Variants in CACNA1H observed in about 807,000 individuals in gnomAD.
CACNA1H encodes the protein calcium voltage-gated channel subunit alpha1 H, also known as voltage-dependent T-type calcium channel subunit alpha-1H.
Under a neutral mutation model 192.5 loss-of-function variants are expected in CACNA1H, and 149 were observed. The ratio of observed to expected loss-of-function variants is 0.77; its 90% CI spans 0.68 to 0.89. The LOEUF (loss-of-function observed/expected upper bound fraction) is 0.89, where lower values mean the gene tolerates loss of function less well. Among genes scored for constraint, CACNA1H ranks in the 40% least tolerant of loss-of-function variants. The pLI is 0.00. For missense variants in CACNA1H, 4,257 were observed against 3,423.5 expected (o/e 1.24, Z -6.08); for synonymous variants, 2,202 against 1,475.2 (o/e 1.49, Z -11.29).
At chr16:1,208,279 C>T in intron 16 of CACNA1H, 58 bp downstream of exon 16, 1 of 1,237,458 alleles carries the variant, frequency 8.1e-7, no homozygotes, top group Non-Finnish European at 1.1e-6. Flanking sequence ...CTGCCTGGCT[C>T]CTTATGGCCT....
Position 1,210,774 on chromosome 16 carries a change from T to A in CACNA1H, c.4039-13T>A. On this transcript the variant is annotated splice_polypyrimidine_tract_variant and intron_variant, in intron 20 of 34. Coordinates refer to ENST00000348261, the MANE Select transcript of CACNA1H (RefSeq NM_021098.3). Reference sequence around the variant, plus strand: ...CGCCTGAGCCTGAGCTCAGTGCCATTGGCCCTCCGCAGGTGGTGGCCCTGG... The same window carrying A: ...CGCCTGAGCCTGAGCTCAGTGCCATAGGCCCTCCGCAGGTGGTGGCCCTGG... The A allele has an allele frequency of 6.3e-7, 1 of 1,599,176 alleles. No homozygotes were observed. The highest frequency in any genetic ancestry group is 1.1e-5 in the South Asian group (1 of 90,998).
At chr16:1,212,363 C>A in intron 25 of CACNA1H, 148 bp from the exon 26 acceptor site, 3 of 1,014,018 alleles carry the variant, frequency 3.0e-6, no homozygotes, top group East Asian at 2.6e-5. Flanking sequence ...CCATCCCCAG[C>A]GCCCAAGAGG....
chr16:1,187,202 G>A (rs1413133167), intron 2 of CACNA1H, among the ~76,000 whole-genome samples: 1 of 152,270 alleles, frequency 6.6e-6, no homozygotes, highest in African/African-American at 2.4e-5. Context: ...TGAGGGGCCG[G>A]GAGGGGAGGA....
At chr16:1,164,060 C>T (rs574132025) in intron 2 of CACNA1H, among the ~76,000 whole-genome samples, 5 of 152,304 alleles carry the variant, frequency 3.3e-5, no homozygotes, top group Non-Finnish European at 7.3e-5. Flanking sequence ...GCCTGGCCGC[C>T]GGCCGGGTAT....
Position 1,209,356 on chromosome 16 carries a change from C to G in CACNA1H, c.3688C>G (p.Leu1230Val). The change falls in exon 17 of 35, where the codon CTG becomes GTG. Residue 1230 changes from leucine (L) to valine (V), a missense_variant. Coordinates refer to ENST00000348261, the MANE Select transcript of CACNA1H (RefSeq NM_021098.3). ...GGTGGCCCTGCCCAGCGACTTCTTCCTGCGCATCGACAGCCACCGTGAGGA... is the reference window on the plus strand; with the variant it reads ...GGTGGCCCTGCCCAGCGACTTCTTCGTGCGCATCGACAGCCACCGTGAGGA... ...QVVALPSDFF[L>V]RIDSHREDAA... 4.4e-6 allele frequency: 7 copies of G among 1,598,056 alleles called. No individual in the cohort carries two copies. Among genetic ancestry groups the G allele is most frequent in the Non-Finnish European group, 5.9e-6 (7 of 1,179,582 alleles).
chr16:1,203,987 CCT>C (rs1178825293), intron 9 of CACNA1H, 21 bp from the exon 10 acceptor site: 8 of 1,507,788 alleles, frequency 5.3e-6, no homozygotes, highest in East Asian at 2.5e-5. Context: ...TGGGCCTGCC[CCT>C]GTCTGTGCCC....
chr16:1,185,514 C>T lies in CACNA1H; in HGVS notation c.300-9458C>T, dbSNP rs561484871. On this transcript the variant is annotated intron_variant, in intron 2 of 34. Transcript: ENST00000348261. Reference sequence around the variant, plus strand: ...CCATCTGCAGAGTCCCCCCCCCCGCCGAGTCTGCTTTTCTGGGGAACCCTG... The same window carrying T: ...CCATCTGCAGAGTCCCCCCCCCCGCTGAGTCTGCTTTTCTGGGGAACCCTG... Among the ~76,000 whole-genome samples the T allele has an allele frequency of 9.1e-5, 13 of 142,486 alleles. No individual in the cohort carries two copies. The South Asian group carries it at 1.6e-3, about 18-fold the overall frequency. 93.5% of individuals were successfully genotyped at this position (142,486 alleles called of 152,430 possible).
intron 2 of CACNA1H, among the ~76,000 whole-genome samples, chr16:1,190,187 A>G (rs973440434): frequency 1.6e-4 from 25 of 152,234 alleles, no homozygotes; most frequent in African/African-American, 5.3e-4. Context: ...GCCGCCCTGC[A>G]GCCAGCAGGC....
In CACNA1H at chr16:1,211,514, C is replaced by G. The variant is rs971338394; in HGVS notation, c.4384C>G (p.Pro1462Ala). 4.3e-6 allele frequency: 7 copies of G among 1,612,390 alleles called. No individual in the cohort carries two copies. The highest frequency in any genetic ancestry group is 5.9e-6 in the Non-Finnish European group (7 of 1,179,740). Reference protein sequence around the residue: ...FKGKFYYCEGPDTRNISTKAQ... With the variant: ...FKGKFYYCEGADTRNISTKAQ... ...AGGGAAGTTCTACTACTGCGAGGGC[C>G]CCGACACCAGGAACATCTCCACCAA... Residue 1462 changes from proline (P) to alanine (A), a missense_variant, in exon 23 of 35, where the codon CCC becomes GCC. By Grantham distance (27) the Pro-to-Ala change is conservative (BLOSUM62 -1). Transcript: ENST00000348261.
chr16:1,189,915 A>T (rs115710484), intron 2 of CACNA1H, among the ~76,000 whole-genome samples: 2,525 of 152,244 alleles, frequency 0.017, 75 homozygotes, highest in African/African-American at 0.058. Flanking sequence ...CTGCCTGGGG[A>T]ACATGTCATC....
intron 2 of CACNA1H, among the ~76,000 whole-genome samples, chr16:1,178,950 C>T (rs1965193134): frequency 6.6e-6 from 1 of 152,154 alleles, no homozygotes; most frequent in Non-Finnish European, 1.5e-5. Flanking sequence ...CCCCAGCAGG[C>T]TGGCCCCGTG....
In CACNA1H at chr16:1,210,171, TC is replaced by T. The variant is rs748088987; in HGVS notation, c.3845+38del. ...CGGGTCAGGAGGCTGCATGGCTAGT[TC>T]CACCCCACGGGACCCCCGCCCCCAG... On this transcript the variant is annotated intron_variant, in intron 18 of 34. Transcript: ENST00000348261. 3.3e-6 allele frequency: 5 copies of T among 1,510,086 alleles called. 1 individual carries two copies. In the South Asian group the frequency reaches 6.0e-5, roughly 18 times the overall value. 93.5% of individuals were successfully genotyped at this position (1,510,086 alleles called of 1,614,324 possible). A position where few individuals can be genotyped will look rare whatever the true frequency, so the allele number is the denominator to read the frequency against.
chr16:1,166,225 C>T (rs1297979795), intron 2 of CACNA1H, among the ~76,000 whole-genome samples: 1 of 152,232 alleles, frequency 6.6e-6, no homozygotes, highest in African/African-American at 2.4e-5. Context: ...TGTCCACGAG[C>T]AAATCCTTTG....
chr16:1,159,284 G>T (rs1962868689), intron 2 of CACNA1H, among the ~76,000 whole-genome samples: 1 of 152,220 alleles, frequency 6.6e-6, no homozygotes, highest in South Asian at 2.1e-4. Context: ...GACAGGGGCA[G>T]AGTCCATGAG....
intron 2 of CACNA1H, among the ~76,000 whole-genome samples, chr16:1,161,013 C>T (rs767640592): frequency 6.6e-6 from 1 of 152,150 alleles, no homozygotes; most frequent in African/African-American, 2.4e-5. Flanking sequence ...GAGGCCCCCA[C>T]GCTGCCTCGG....
At position 1,207,278 on chromosome 16, in the gene CACNA1H, C is replaced by T; in HGVS notation, c.2911C>T (p.Leu971=). The change falls in exon 14 of 35, where the codon CTG becomes TTG. Residue 971 remains leucine (L), a synonymous_variant. Coordinates refer to ENST00000348261, the MANE Select transcript of CACNA1H (RefSeq NM_021098.3). ...CAGGCCCCCTGCTATCCCCCAGATC[C>T]TGACCCAGGAGGACTGGAACGTGGT... ...LWAIVTVFQI[L]TQEDWNVVLY... 6.2e-7 allele frequency: 1 copy of T among 1,606,292 alleles called. No homozygotes were observed. Among genetic ancestry groups the T allele is most frequent in the Non-Finnish European group, 8.5e-7 (1 of 1,175,952 alleles).
intron 2 of CACNA1H, among the ~76,000 whole-genome samples, chr16:1,181,909 C>T (rs561645298): frequency 3.9e-4 from 60 of 152,244 alleles, no homozygotes; most frequent in Admixed American, 1.4e-3. Flanking sequence ...TACACACATG[C>T]GCCCCTCACA....
chr16:1,162,895 G>T (rs1191926923), intron 2 of CACNA1H, among the ~76,000 whole-genome samples: 1 of 152,216 alleles, frequency 6.6e-6, no homozygotes, highest in East Asian at 1.9e-4. Context: ...GCAGAGGTCA[G>T]TGGCCCCAGG....
intron 2 of CACNA1H, among the ~76,000 whole-genome samples, chr16:1,183,252 C>A (rs1045422604): frequency 1.3e-5 from 2 of 152,266 alleles, no homozygotes; most frequent in East Asian, 3.9e-4. Context: ...GGTTCTATTG[C>A]GTCTGATGGC....
Sources: allele counts gnomAD v4.1 joint callset (sites outside exome capture counted in the v4.1 genomes callset), GRCh38; gene constraint gnomAD v4.1.1; transcripts MANE v1.5; gene names NCBI Gene and HGNC (gene_info 2026-07-23, HGNC 2026-07-21).